The following PAX5 variants were observed in gnomAD, a reference collection of about 807,000 sequenced individuals.
The protein encoded by PAX5 is paired box 5.
PAX5 carries 9 observed loss-of-function variants against 43.7 expected under a neutral mutation model. The ratio of observed to expected loss-of-function variants is 0.21; its 90% CI spans 0.12 to 0.36. The LOEUF is 0.36. Among genes scored for constraint, PAX5 ranks in the 10% least tolerant of loss-of-function variants. The pLI, the probability that PAX5 is intolerant of heterozygous loss-of-function variation, is 1.00. For synonymous variants in PAX5, 228 were observed against 214.3 expected, an observed-to-expected ratio of 1.06 and a Z score of -0.56; for missense variants, 383 against 532.7, an observed-to-expected ratio of 0.72 and a Z score of 2.77.
intron 9 of PAX5, among the ~76,000 whole-genome samples, chr9:36,843,108 GTGTA>G (rs1822231161): frequency 6.6e-6 from 1 of 151,912 alleles, no homozygotes; most frequent in Non-Finnish European, 1.5e-5. Context: ...GTGTGTGTGA[GTGTA>G]TGAGTGTGAG....
intron 6 of PAX5, among the ~76,000 whole-genome samples, chr9:36,959,177 C>T (rs1468445488): frequency 6.6e-6 from 1 of 152,226 alleles, no homozygotes; most frequent in Non-Finnish European, 1.5e-5. Flanking sequence ...TTCCCCTCTT[C>T]CCACCAGACC....
At chr9:37,032,453 G>A (rs1186502060) in intron 1 of PAX5, among the ~76,000 whole-genome samples, 2 of 152,174 alleles carry the variant, frequency 1.3e-5, no homozygotes, top group Non-Finnish European at 2.9e-5. Context: ...TCTGAGAATT[G>A]AGGATGGAGA....
intron 5 of PAX5, among the ~76,000 whole-genome samples, chr9:36,994,321 G>T (rs1287187656): frequency 6.6e-6 from 1 of 152,204 alleles, no homozygotes; most frequent in Non-Finnish European, 1.5e-5. Flanking sequence ...ACTGCCCCCT[G>T]CATACCCTTG....
chr9:36,993,897 C>T (rs1837148237), intron 5 of PAX5, among the ~76,000 whole-genome samples: 1 of 152,190 alleles, frequency 6.6e-6, no homozygotes, highest in Admixed American at 6.5e-5. Context: ...CAGGGCTCTC[C>T]CGAACACCAG....
intron 7 of PAX5, among the ~76,000 whole-genome samples, chr9:36,889,940 AC>A (rs1827229080): frequency 2.4e-5 from 2 of 82,290 alleles, no homozygotes; most frequent in African/African-American, 6.2e-5. Context: ...ATGTACACTA[AC>A]GGGGGGGGGG....
chr9:36,863,882 G>A (rs896168578), intron 8 of PAX5, among the ~76,000 whole-genome samples: 4 of 152,240 alleles, frequency 2.6e-5, no homozygotes, highest in Admixed American at 6.5e-5. Flanking sequence ...AGGCTAAGGT[G>A]GGCGGATCAG....
chr9:36,970,146 T>C (rs546772333), intron 5 of PAX5, among the ~76,000 whole-genome samples: 1 of 152,304 alleles, frequency 6.6e-6, no homozygotes, highest in Admixed American at 6.5e-5. Context: ...CAACGGTGAC[T>C]GATGCTAGGG....
chr9:36,928,281 T>C (rs1830823209), intron 6 of PAX5, among the ~76,000 whole-genome samples: 1 of 152,222 alleles, frequency 6.6e-6, no homozygotes, highest in Non-Finnish European at 1.5e-5. Flanking sequence ...GACACTGTCC[T>C]ACCTCCGCCT....
intron 7 of PAX5, among the ~76,000 whole-genome samples, chr9:36,918,917 G>A (rs1829924036): frequency 6.6e-6 from 1 of 152,138 alleles, no homozygotes; most frequent in Non-Finnish European, 1.5e-5. Context: ...CATTGATGGA[G>A]GTGACTACAC....
At chr9:36,997,446 G>C (rs1157670465) in intron 5 of PAX5, among the ~76,000 whole-genome samples, 1 of 152,208 alleles carries the variant, frequency 6.6e-6, no homozygotes, top group Non-Finnish European at 1.5e-5. Flanking sequence ...TAAGTGGGGA[G>C]AGCGGCGGAA....
intron 7 of PAX5, among the ~76,000 whole-genome samples, chr9:36,891,537 G>A (rs1236698462): frequency 2.0e-5 from 3 of 152,228 alleles, no homozygotes; most frequent in Non-Finnish European, 4.4e-5. Context: ...GTATGCTGCT[G>A]ACGGTAGATG....
intron 7 of PAX5, among the ~76,000 whole-genome samples, chr9:36,886,533 G>C (rs1347280834): frequency 6.6e-6 from 1 of 152,180 alleles, no homozygotes; most frequent in African/African-American, 2.4e-5. Context: ...TGTCGCCAGG[G>C]TTGGGGTTTA....
chr9:36,902,698 T>C (rs1027364490), intron 7 of PAX5, among the ~76,000 whole-genome samples: 3 of 152,314 alleles, frequency 2.0e-5, no homozygotes, highest in Admixed American at 1.3e-4. Flanking sequence ...GGCCTTTTAT[T>C]CCATCAGCCT....
chr9:36,973,923 G>A (rs912511619), intron 5 of PAX5, among the ~76,000 whole-genome samples: 9 of 152,148 alleles, frequency 5.9e-5, no homozygotes, highest in Non-Finnish European at 8.8e-5. Flanking sequence ...TCACTTGAAC[G>A]TAGGAGGCGG....
chr9:36,968,923 A>C (rs907709601), intron 5 of PAX5, among the ~76,000 whole-genome samples: 3 of 152,198 alleles, frequency 2.0e-5, no homozygotes, highest in African/African-American at 7.2e-5. Flanking sequence ...ACACACATGC[A>C]CACACACATG....
chr9:36,910,630 G>A (rs1057485519), intron 7 of PAX5, among the ~76,000 whole-genome samples: 3 of 152,206 alleles, frequency 2.0e-5, no homozygotes, highest in South Asian at 2.1e-4. Context: ...ATAGATGCCC[G>A]CCTGGACTTT....
Position 36,850,879 on chromosome 9 carries a change from G to A in PAX5, c.1013-3950C>T, listed in dbSNP as rs115102994. 5.0e-3 allele frequency among the ~76,000 whole-genome samples: 756 copies of A among 152,312 alleles called. 6 individuals carry two copies. Among genetic ancestry groups the A allele is most frequent in the African/African-American group, 0.017 (712 of 41,550 alleles). On this transcript the variant is annotated intron_variant, in intron 8 of 9. Coordinates refer to ENST00000358127, the MANE Select transcript of PAX5 (RefSeq NM_016734.3). ...ATCGGCATTCCCCCAGGAGCAAGCA[G>A]TCCCGGGGAGAAAACAGGACTGGAC... is the stretch of plus-strand genomic sequence containing the variant.
At chr9:36,998,465 T>C (rs1679719451) in intron 5 of PAX5, among the ~76,000 whole-genome samples, 1 of 152,148 alleles carries the variant, frequency 6.6e-6, no homozygotes, top group Admixed American at 6.5e-5. Flanking sequence ...TCGTTACTAA[T>C]TGTGAACCCT....
chr9:36,880,880 G>T (rs4483246), intron 8 of PAX5, among the ~76,000 whole-genome samples: 126,840 of 152,120 alleles, frequency 0.83, 52,979 homozygotes, highest in Admixed American at 0.88. Flanking sequence ...GCCCGGCCCA[G>T]TCTGGCTTTT....
Sources: gnomAD v4.1 joint callset for allele counts (sites outside exome capture counted in the v4.1 genomes callset) on GRCh38, gnomAD v4.1.1 for gene constraint, MANE v1.5 for transcripts, NCBI Gene and HGNC (gene_info 2026-07-23, HGNC 2026-07-21) for gene names.